Variants in TMEM131L observed in about 807,000 individuals in gnomAD.
TMEM131L encodes the protein transmembrane protein 131-like.
Under a neutral mutation model 192.2 loss-of-function variants are expected in TMEM131L, and 54 were observed. The observed-to-expected ratio is 0.28, with a 90% confidence interval of 0.23 to 0.35. The LOEUF (loss-of-function observed/expected upper bound fraction) is 0.35, where lower values mean the gene tolerates loss of function less well. TMEM131L is among the 10% of genes least tolerant of loss of function. TMEM131L has a pLI of 1.00. For synonymous variants in TMEM131L, 701 were observed against 704.9 expected (o/e 0.99, Z 0.09); for missense variants, 1,888 against 1,972.9 (o/e 0.96, Z 0.82).
intron 3 of TMEM131L, among the ~76,000 whole-genome samples, chr4:153,520,074 G>C (rs1330709914): frequency 6.6e-6 from 1 of 152,132 alleles, no homozygotes; most frequent in Admixed American, 6.6e-5. Context: ...TGGGGGTCAG[G>C]GGATCTCTTA....
chr4:153,479,222 T>C (rs545874428), intron 3 of TMEM131L, among the ~76,000 whole-genome samples: 2 of 152,370 alleles, frequency 1.3e-5, no homozygotes, highest in South Asian at 2.1e-4. Flanking sequence ...ATTGGCCTCA[T>C]TGAAGATTTT....
chr4:153,515,706 A>G (rs1203947803), intron 3 of TMEM131L, among the ~76,000 whole-genome samples: 1 of 152,202 alleles, frequency 6.6e-6, no homozygotes, highest in Non-Finnish European at 1.5e-5. Context: ...TGACTTTTCT[A>G]CAGGTAAAGT....
At chr4:153,594,106 A>G (rs1303996641) in intron 19 of TMEM131L, among the ~76,000 whole-genome samples, 1 of 152,204 alleles carries the variant, frequency 6.6e-6, no homozygotes, top group African/African-American at 2.4e-5. Flanking sequence ...TCATGTGAGT[A>G]AAGAAATAAC....
At chr4:153,516,286 G>A (rs1017814239) in intron 3 of TMEM131L, among the ~76,000 whole-genome samples, 1 of 152,228 alleles carries the variant, frequency 6.6e-6, no homozygotes, top group African/African-American at 2.4e-5. Flanking sequence ...CTGGATTGCA[G>A]TGGCAAGATC....
intron 19 of TMEM131L, among the ~76,000 whole-genome samples, 178 bp downstream of exon 19, chr4:153,594,049 G>C (rs945958100): frequency 1.3e-5 from 2 of 152,134 alleles, no homozygotes; most frequent in African/African-American, 4.8e-5. Context: ...TGCGGTAGGA[G>C]CTGGGTTTAT....
At chr4:153,567,869 G>A (rs1339892029) in intron 7 of TMEM131L, among the ~76,000 whole-genome samples, 1 of 152,028 alleles carries the variant, frequency 6.6e-6, no homozygotes, top group African/African-American at 2.4e-5. Flanking sequence ...TGTTATGTGG[G>A]AATAAGGCAC....
chr4:153,584,078 ACTG>A (rs1730543306), intron 11 of TMEM131L, among the ~76,000 whole-genome samples: 1 of 152,206 alleles, frequency 6.6e-6, no homozygotes, highest in South Asian at 2.1e-4. Context: ...TGTATTCAAA[ACTG>A]TACCTATAAG....
intron 31 of TMEM131L, among the ~76,000 whole-genome samples, chr4:153,629,610 C>T (rs966758785): frequency 6.6e-6 from 1 of 152,208 alleles, no homozygotes; most frequent in Non-Finnish European, 1.5e-5. Flanking sequence ...CATTCAAATT[C>T]CTCTCCTCCC....
At chr4:153,588,853 C>A in intron 15 of TMEM131L, 37 bp from the exon 16 acceptor site, 1 of 1,080,282 alleles carries the variant, frequency 9.3e-7, no homozygotes, top group Non-Finnish European at 1.4e-6. Context: ...ATTATGTTTT[C>A]TGTAAATCTA....
rs1307565373 is a variant in TMEM131L, at chr4:153,603,340, C to G, written c.2677C>G (p.Gln893Glu). 2.5e-6 allele frequency: 4 copies of G among 1,613,832 alleles called. No individual in the cohort carries two copies. The Admixed American group carries it at 6.7e-5, about 27-fold the overall frequency. ...LLGVILIAFQ[Q>E]AQYILMEFMK... Reference sequence around the variant, plus strand: ...GGGTGTGATTTTAATAGCCTTCCAACAAGCACAGTACATTCTCATGGAATT... The same window carrying G: ...GGGTGTGATTTTAATAGCCTTCCAAGAAGCACAGTACATTCTCATGGAATT... The change falls in exon 24 of 35, where the codon CAA (glutamine) becomes GAA (glutamate). Residue 893 changes from glutamine (Q) to glutamate (E), a missense_variant. Transcript: ENST00000409959.
intron 3 of TMEM131L, among the ~76,000 whole-genome samples, chr4:153,519,953 A>C (rs1231288316): frequency 6.6e-6 from 1 of 152,224 alleles, no homozygotes; most frequent in Non-Finnish European, 1.5e-5. Flanking sequence ...AGCCCAGTAC[A>C]TCCTAAATGC....
chr4:153,533,065 C>A (rs1020721617), intron 3 of TMEM131L, among the ~76,000 whole-genome samples: 1 of 151,260 alleles, frequency 6.6e-6, no homozygotes, highest in African/African-American at 2.4e-5. Context: ...TGGCTCACCA[C>A]AACCTCTGTC....
intron 3 of TMEM131L, among the ~76,000 whole-genome samples, chr4:153,493,795 A>G (rs1337380946): frequency 6.6e-6 from 1 of 152,144 alleles, no homozygotes; most frequent in Non-Finnish European, 1.5e-5. Flanking sequence ...GGGTATTGTT[A>G]ATAGTACCTA....
intron 25 of TMEM131L, 120 bp downstream of exon 25, chr4:153,604,550 T>A: frequency 9.8e-7 from 1 of 1,025,190 alleles, no homozygotes; most frequent in Non-Finnish European, 1.4e-6. Flanking sequence ...AGCAAAGGTT[T>A]AAATATTGAA....
chr4:153,528,092 CT>C (rs1355316961), intron 3 of TMEM131L, among the ~76,000 whole-genome samples: 1 of 152,172 alleles, frequency 6.6e-6, no homozygotes, highest in African/African-American at 2.4e-5. Flanking sequence ...GTTCTCTCAT[CT>C]CTGAAATAAA....
chr4:153,518,690 A>G (rs1734902906), intron 3 of TMEM131L, among the ~76,000 whole-genome samples: 1 of 152,244 alleles, frequency 6.6e-6, no homozygotes, highest in Non-Finnish European at 1.5e-5. Context: ...TGACAGTTTC[A>G]GAAATAATGA....
intron 3 of TMEM131L, among the ~76,000 whole-genome samples, chr4:153,482,320 G>C (rs1169486757): frequency 1.5e-5 from 2 of 137,348 alleles, no homozygotes; most frequent in Non-Finnish European, 1.6e-5. Flanking sequence ...ACAATGTAAA[G>C]TAATTTTTTT....
chr4:153,519,999 T>C (rs34536783), intron 3 of TMEM131L, among the ~76,000 whole-genome samples: 54,374 of 152,086 alleles, frequency 0.36, 10,905 homozygotes, highest in Middle Eastern at 0.45. Context: ...AGTTGCTCAG[T>C]GGAAGAACCA....
At chr4:153,473,605 A>G (rs750863726) in intron 2 of TMEM131L, among the ~76,000 whole-genome samples, 1 of 152,210 alleles carries the variant, frequency 6.6e-6, no homozygotes. Flanking sequence ...CAGCCTGGCC[A>G]ACACAGTGAA....
Sources: allele counts gnomAD v4.1 joint callset (sites outside exome capture counted in the v4.1 genomes callset), GRCh38; gene constraint gnomAD v4.1.1; transcripts MANE v1.5; gene names NCBI Gene and HGNC (gene_info 2026-07-23, HGNC 2026-07-21).